The following ZNF521 variants were observed in gnomAD, a reference collection of about 807,000 sequenced individuals.
The protein encoded by ZNF521 is zinc finger protein 521.
ZNF521 carries 14 observed loss-of-function variants against 105.5 expected under a neutral mutation model. That is an observed-to-expected ratio of 0.13 (90% CI 0.09 to 0.21). ZNF521 has a LOEUF of 0.21. Among genes scored for constraint, ZNF521 ranks in the 10% least tolerant of loss-of-function variants. The pLI, the probability that ZNF521 is intolerant of heterozygous loss-of-function variation, is 1.00. For missense variants in ZNF521, 1,233 were observed against 1,629.7 expected, an observed-to-expected ratio of 0.76 and a Z score of 4.19; for synonymous variants, 635 against 606.0, an observed-to-expected ratio of 1.05 and a Z score of -0.70.
intron 2 of ZNF521, among the ~76,000 whole-genome samples, chr18:25,337,468 A>G (rs959436915): frequency 9.2e-5 from 14 of 152,246 alleles, no homozygotes; most frequent in African/African-American, 2.9e-4. Context: ...AAAAAACCCA[A>G]GGAAATAGAA....
At chr18:25,274,256 A>G (rs557841691) in intron 3 of ZNF521, among the ~76,000 whole-genome samples, 1 of 152,260 alleles carries the variant, frequency 6.6e-6, no homozygotes, top group East Asian at 1.9e-4. Flanking sequence ...GAATTTCCCC[A>G]ACATGGTCAG....
intron 4 of ZNF521, among the ~76,000 whole-genome samples, chr18:25,212,538 A>AAAAATATAT (rs1555647923): frequency 4.2e-5 from 2 of 48,144 alleles, no homozygotes; most frequent in African/African-American, 2.6e-4. Context: ...AAAAAAAAAA[A>AAAAATATAT]ATATATATAT....
intron 3 of ZNF521, among the ~76,000 whole-genome samples, chr18:25,229,449 A>G (rs958093199): frequency 1.3e-5 from 2 of 152,202 alleles, no homozygotes; most frequent in African/African-American, 4.8e-5. Flanking sequence ...CAGCATAAGA[A>G]AGGGTCTGAT....
chr18:25,237,627 C>T (rs1325111053), intron 3 of ZNF521, among the ~76,000 whole-genome samples: 1 of 152,096 alleles, frequency 6.6e-6, no homozygotes, highest in Non-Finnish European at 1.5e-5. Flanking sequence ...AGTGTGGCCA[C>T]AGTAATGAGA....
chr18:25,208,106 T>C (rs1178156951), intron 4 of ZNF521, among the ~76,000 whole-genome samples: 1 of 152,192 alleles, frequency 6.6e-6, no homozygotes, highest in Non-Finnish European at 1.5e-5. Context: ...TGTTGCAATA[T>C]CACTGTTGAA....
intron 3 of ZNF521, among the ~76,000 whole-genome samples, chr18:25,270,497 C>T (rs942053697): frequency 5.3e-5 from 8 of 152,266 alleles, no homozygotes; most frequent in Non-Finnish European, 2.9e-5. Context: ...AGGCCAATAT[C>T]GCTGATGAAC....
At chr18:25,201,005 CT>C (rs1164551714) in intron 4 of ZNF521, 1 of 149,518 alleles carries the variant, frequency 6.7e-6, no homozygotes, top group Non-Finnish European at 1.5e-5. Context: ...CATTCACATA[CT>C]TTGGAATCTT....
chr18:25,348,767 C>T (rs1162221117), intron 2 of ZNF521, among the ~76,000 whole-genome samples: 1 of 152,178 alleles, frequency 6.6e-6, no homozygotes, highest in Non-Finnish European at 1.5e-5. Flanking sequence ...AAAATGTCCT[C>T]TTTACTCATT....
At chr18:25,224,260 A>T in intron 4 of ZNF521, 85 bp downstream of exon 4, 1 of 1,260,792 alleles carries the variant, frequency 7.9e-7, no homozygotes. Context: ...CCATGACAAT[A>T]AATAAAGCTG....
At chr18:25,326,772 G>A (rs894510792) in intron 2 of ZNF521, among the ~76,000 whole-genome samples, 3 of 152,218 alleles carry the variant, frequency 2.0e-5, no homozygotes, top group African/African-American at 7.2e-5. Context: ...TGAGGATGAT[G>A]TAAATATGAA....
intron 3 of ZNF521, among the ~76,000 whole-genome samples, chr18:25,250,720 A>G (rs1330683137): frequency 6.6e-6 from 1 of 152,194 alleles, no homozygotes; most frequent in African/African-American, 2.4e-5. Context: ...AATTATACAC[A>G]TTTTACAGGC....
intron 4 of ZNF521, among the ~76,000 whole-genome samples, chr18:25,206,488 C>T (rs1173189130): frequency 6.6e-6 from 1 of 151,938 alleles, no homozygotes; most frequent in African/African-American, 2.4e-5. Context: ...TGTATCCTTC[C>T]AGCTAGTCTT....
At chr18:25,307,534 C>G (rs948673767) in intron 3 of ZNF521, among the ~76,000 whole-genome samples, 44 of 152,238 alleles carry the variant, frequency 2.9e-4, no homozygotes, top group African/African-American at 9.4e-4. Context: ...CTTGGCATTG[C>G]CTCCCCATTT....
At chr18:25,347,613 G>A (rs1914519854) in intron 2 of ZNF521, among the ~76,000 whole-genome samples, 1 of 152,266 alleles carries the variant, frequency 6.6e-6, no homozygotes, top group South Asian at 2.1e-4. Flanking sequence ...TTACACTGAA[G>A]TTTCCTACAA....
At chr18:25,091,635 T>G (rs1185578072) in intron 6 of ZNF521, among the ~76,000 whole-genome samples, 1 of 152,114 alleles carries the variant, frequency 6.6e-6, no homozygotes, top group Admixed American at 6.5e-5. Flanking sequence ...AGCCTTACCC[T>G]TGGTAACCTT....
Position 25,226,283 on chromosome 18 carries a change from C to T in ZNF521, c.1635G>A (p.Gly545=). 1 of 1,614,164 alleles carries T rather than the reference C, an allele frequency of 6.2e-7. No individual in the cohort carries two copies. The highest frequency in any genetic ancestry group is 1.1e-5 in the South Asian group (1 of 91,068). The change falls in exon 4 of 8, where the codon GGG becomes GGA. Residue 545 remains glycine, a synonymous_variant. Transcript: ENST00000361524. This position sits in a 1 kb window ranked among gnomAD's most constrained non-coding sequence, Gnocchi z 4.1. ...CTTTGGGAGTCCCAAGCACTGGAGACCCAAATCGGGAGCCACTGAGGTCAC... is the reference window on the plus strand; with the variant it reads ...CTTTGGGAGTCCCAAGCACTGGAGATCCAAATCGGGAGCCACTGAGGTCAC... The part of the protein sequence containing the change: ...VHCDLSGSRF[G]SPVLGTPKEP...
chr18:25,148,291 C>G (rs1296330668), intron 5 of ZNF521, among the ~76,000 whole-genome samples: 1 of 152,146 alleles, frequency 6.6e-6, no homozygotes, highest in Non-Finnish European at 1.5e-5. Flanking sequence ...TTATGCCATT[C>G]TTAGTTATCC....
Position 25,224,644 on chromosome 18 carries a change from G to A in ZNF521, c.3274C>T (p.Leu1092=). 6.2e-7 allele frequency: 1 copy of A among 1,614,158 alleles called. No individual in the cohort carries two copies. The highest frequency in any genetic ancestry group is 8.5e-7 in the Non-Finnish European group (1 of 1,180,024). Residue 1092 remains leucine (L), a synonymous_variant, in exon 4 of 8, where the codon CTG becomes TTG. Transcript: ENST00000361524. ...KLDINGLPYG[L]CAGCVNLSKS... Reference sequence around the variant, plus strand: ...CTGAGATTCACGCAGCCGGCACACAGACCATATGGCAGGCCATTGATATCA... The same window carrying A: ...CTGAGATTCACGCAGCCGGCACACAAACCATATGGCAGGCCATTGATATCA...
At chr18:25,082,225 C>T (rs538337176) in intron 7 of ZNF521, among the ~76,000 whole-genome samples, 10 of 152,304 alleles carry the variant, frequency 6.6e-5, no homozygotes, top group African/African-American at 1.9e-4. Flanking sequence ...ACAATTTATA[C>T]TCCTGTGACT....
Sources: gnomAD v4.1 joint callset for allele counts (sites outside exome capture counted in the v4.1 genomes callset) on GRCh38, gnomAD v4.1.1 for gene constraint, Gnocchi (gnomAD v3.1) non-coding constraint, MANE v1.5 for transcripts, NCBI Gene and HGNC (gene_info 2026-07-23, HGNC 2026-07-21) for gene names.